The following LMX1B variants were observed in gnomAD, a reference collection of about 807,000 sequenced individuals.
LMX1B encodes the protein LIM homeobox transcription factor 1 beta.
LMX1B carries 12 observed loss-of-function variants against 51.4 expected under a neutral mutation model. That is an observed-to-expected ratio of 0.23 (90% CI 0.15 to 0.38). The LOEUF is 0.38. Among genes scored for constraint, LMX1B ranks in the 10% least tolerant of loss-of-function variants. The probability of loss-of-function intolerance (pLI) is 1.00; values close to 1 mark genes in which losing one functional copy is unlikely to be tolerated. For missense variants in LMX1B, 445 were observed against 571.1 expected, an observed-to-expected ratio of 0.78 and a Z score of 2.25; for synonymous variants, 237 against 235.4, an observed-to-expected ratio of 1.01 and a Z score of -0.06.
chr9:126,641,973 C>A lies in LMX1B; in HGVS notation c.326+26404C>A, dbSNP rs111543296. Among the ~76,000 whole-genome samples, 2 of 152,300 alleles carry A rather than the reference C, an allele frequency of 1.3e-5. No homozygotes were observed. Among genetic ancestry groups the A allele is most frequent in the African/African-American group, 4.8e-5 (2 of 41,558 alleles). Reference sequence around the variant, plus strand: ...GATGACGCAACAGCCTCAGAGCAGACCCATTCCTGCTGGGGTCCTAGCTAA... The same window carrying A: ...GATGACGCAACAGCCTCAGAGCAGAACCATTCCTGCTGGGGTCCTAGCTAA... On this transcript the variant is annotated intron_variant, in intron 2 of 7. Transcript: ENST00000373474. The surrounding 1 kb of genome is among the most constrained non-coding windows in gnomAD (Gnocchi z 4.1).
At position 126,695,928 on chromosome 9, in the gene LMX1B, C is replaced by T; in HGVS notation, c.976C>T (p.Pro326Ser). 1 of 1,613,396 alleles carries T rather than the reference C, an allele frequency of 6.2e-7. No homozygotes were observed. Among genetic ancestry groups the T allele is most frequent in the South Asian group, 1.1e-5 (1 of 91,068 alleles). The stretch of plus-strand genomic sequence containing the variant: ...GCAGATCGTGGCCATGGAACAGAGC[C>T]CCTACGGCAGCAGCGACCCCTTCCA... ...QQQIVAMEQS[P>S]YGSSDPFQQG... Residue 326 changes from proline to serine, a missense_variant, in exon 7 of 8, where the codon CCC becomes TCC. Physicochemically the swap from Pro to Ser is moderately conservative, Grantham distance 74 (BLOSUM62 -1). Transcript: ENST00000373474. The surrounding 1 kb of genome is among the most constrained non-coding windows in gnomAD (Gnocchi z 5.2).
Position 126,614,347 on chromosome 9 carries a change from G to T in LMX1B, c.-103G>T. ...GCCGGCGCAACCCCTGCCCTGCGGG[G>T]GCCGCGCCTCCCCGGTTCCAGGGCC... On this transcript the variant is annotated 5_prime_UTR_variant, in exon 1 of 8. Transcript: ENST00000373474. 1.2e-6 allele frequency: 1 copy of T among 854,556 alleles called. No individual in the cohort carries two copies. The highest frequency in any genetic ancestry group is 1.4e-6 in the Non-Finnish European group (1 of 694,226). The allele number at this position is 854,556 out of a possible 1,614,324, so 52.9% of individuals were successfully genotyped here.
At chr9:126,644,894 T>C (rs1293878904) in intron 2 of LMX1B, among the ~76,000 whole-genome samples, 1 of 152,190 alleles carries the variant, frequency 6.6e-6, no homozygotes, top group African/African-American at 2.4e-5. Flanking sequence ...TCAGCAATTC[T>C]GTTGAGTTCC....
intron 2 of LMX1B, among the ~76,000 whole-genome samples, chr9:126,667,105 C>A (rs1836354781): frequency 6.6e-6 from 1 of 152,230 alleles, no homozygotes; most frequent in Non-Finnish European, 1.5e-5. Context: ...CGTTCCCTCA[C>A]CCCTTTCCCA....
chr9:126,669,331 G>A (rs1314911536), intron 2 of LMX1B, among the ~76,000 whole-genome samples: 1 of 152,206 alleles, frequency 6.6e-6, no homozygotes, highest in East Asian at 1.9e-4. Flanking sequence ...CAATCTGTGA[G>A]TCGGGAGCCC....
chr9:126,666,404 T>C (rs1015278400), intron 2 of LMX1B, among the ~76,000 whole-genome samples: 2 of 152,024 alleles, frequency 1.3e-5, no homozygotes, highest in Admixed American at 6.6e-5. Context: ...TGACAGAGGC[T>C]GATGGGATTA....
intron 2 of LMX1B, among the ~76,000 whole-genome samples, chr9:126,617,333 T>G (rs964723328): frequency 6.6e-6 from 1 of 151,400 alleles, no homozygotes; most frequent in East Asian, 1.9e-4. Context: ...CGACAACACA[T>G]GGGGGAAGGG....
In LMX1B at chr9:126,625,704, T is replaced by TCCG. The variant is rs552025674; in HGVS notation, c.326+10150_326+10152dup. ...GGCCCGTGGCGCCTTTCTCGCCACCTCCGCCGCCGCCGCCGCCACCCTCGT... is the reference window on the plus strand; with the variant it reads ...GGCCCGTGGCGCCTTTCTCGCCACCTCCGCCGCCGCCGCCGCCGCCACCCTCGT... On this transcript the variant is annotated intron_variant, in intron 2 of 7. Transcript: ENST00000373474. This position sits in a 1 kb window ranked among gnomAD's most constrained non-coding sequence, Gnocchi z 5.3. 3.4e-4 allele frequency among the ~76,000 whole-genome samples: 51 copies of TCCG among 152,164 alleles called. No individual in the cohort carries two copies. The highest frequency in any genetic ancestry group is 2.5e-3 in the South Asian group (12 of 4,824).
At chr9:126,621,581 C>T (rs964145952) in intron 2 of LMX1B, among the ~76,000 whole-genome samples, 8 of 151,382 alleles carry the variant, frequency 5.3e-5, no homozygotes, top group African/African-American at 1.7e-4. Flanking sequence ...ATAAATGTCT[C>T]CTGTCATTTG....
At chr9:126,670,390 G>A (rs1726470494) in intron 2 of LMX1B, among the ~76,000 whole-genome samples, 2 of 152,370 alleles carry the variant, frequency 1.3e-5, no homozygotes, top group South Asian at 4.1e-4. Flanking sequence ...GTGTACGTAC[G>A]CATCCTTGGT....
At chr9:126,663,058 T>G (rs544610287) in intron 2 of LMX1B, among the ~76,000 whole-genome samples, 3 of 152,280 alleles carry the variant, frequency 2.0e-5, no homozygotes, top group Admixed American at 2.0e-4. Flanking sequence ...CAGTCCTGGC[T>G]CTATTGCTGT....
chr9:126,660,530 C>G (rs1836224767), intron 2 of LMX1B, among the ~76,000 whole-genome samples: 1 of 152,214 alleles, frequency 6.6e-6, no homozygotes, highest in South Asian at 2.1e-4. Flanking sequence ...GACACTTACC[C>G]TCTTTGTGCC....
At chr9:126,686,157 A>G (rs1043755867) in intron 2 of LMX1B, among the ~76,000 whole-genome samples, 10 of 151,786 alleles carry the variant, frequency 6.6e-5, no homozygotes, top group Non-Finnish European at 1.3e-4. Context: ...GCGGGTGCCT[A>G]TAGTCCCAGC....
At chr9:126,631,575 G>A (rs1050171948) in intron 2 of LMX1B, among the ~76,000 whole-genome samples, 2 of 152,040 alleles carry the variant, frequency 1.3e-5, no homozygotes, top group African/African-American at 4.8e-5. Context: ...GGTGGGTGGG[G>A]TGAGGTGGGG....
At chr9:126,630,023 G>C (rs942172835) in intron 2 of LMX1B, among the ~76,000 whole-genome samples, 1 of 152,048 alleles carries the variant, frequency 6.6e-6, no homozygotes, top group African/African-American at 2.4e-5. Flanking sequence ...GCAGGCACCT[G>C]TGACCTACTC....
At chr9:126,688,930 G>C (rs1057457151) in intron 2 of LMX1B, among the ~76,000 whole-genome samples, 1 of 152,216 alleles carries the variant, frequency 6.6e-6, no homozygotes, top group African/African-American at 2.4e-5. Context: ...CACCAACAGG[G>C]ACATGCATTG....
chr9:126,615,703 A>G lies in LMX1B; in HGVS notation c.326+134A>G. ...GGGCCGGGCAGCTCCAAGGGTTCCG[A>G]GAGCTGCGCGTCTTGGGGCTGGGGC... On this transcript the variant is annotated intron_variant, in intron 2 of 7. Coordinates refer to ENST00000373474, the MANE Select transcript of LMX1B (RefSeq NM_001174147.2). The surrounding 1 kb of genome is among the most constrained non-coding windows in gnomAD (Gnocchi z 6.0). 1 of 775,308 alleles carries G rather than the reference A, an allele frequency of 1.3e-6. No homozygotes were observed. Among genetic ancestry groups the G allele is most frequent in the Non-Finnish European group, 1.9e-6 (1 of 524,470 alleles). The allele number at this position is 775,308 out of a possible 1,614,324, so 48.0% of individuals were successfully genotyped here.
intron 2 of LMX1B, among the ~76,000 whole-genome samples, chr9:126,660,945 A>T (rs1262281568): frequency 1.3e-5 from 2 of 152,172 alleles, no homozygotes; most frequent in East Asian, 3.9e-4. Context: ...GGAGAGTCAG[A>T]ACAGGAGTGC....
intron 2 of LMX1B, among the ~76,000 whole-genome samples, chr9:126,616,518 G>A (rs1017154814): frequency 1.3e-5 from 2 of 152,224 alleles, no homozygotes; most frequent in Admixed American, 1.3e-4. Context: ...TGAAAGAGGG[G>A]TGTGGAGATC....
Sources: gnomAD v4.1 joint callset for allele counts (sites outside exome capture counted in the v4.1 genomes callset) on GRCh38, gnomAD v4.1.1 for gene constraint, Gnocchi (gnomAD v3.1) non-coding constraint, MANE v1.5 for transcripts, NCBI Gene and HGNC (gene_info 2026-07-23, HGNC 2026-07-21) for gene names.